Variants in ITSN2 observed in about 807,000 individuals in gnomAD.
The protein encoded by ITSN2 is intersectin-2.
ITSN2 carries 156 observed loss-of-function variants against 243.7 expected under a neutral mutation model. The observed-to-expected ratio is 0.64, with a 90% CI of 0.56 to 0.73. The LOEUF is 0.73. ITSN2 is among the 30% of genes least tolerant of loss of function. The pLI is 0.00. For missense variants in ITSN2, 1,801 were observed against 1,996.1 expected (o/e 0.90, Z 1.86); for synonymous variants, 703 against 699.9 (o/e 1.00, Z -0.07).
chr2:24,280,942 C>G (rs891006788), intron 17 of ITSN2, among the ~76,000 whole-genome samples: 1 of 152,218 alleles, frequency 6.6e-6, no homozygotes, highest in Admixed American at 6.5e-5. Flanking sequence ...AACAGAACTA[C>G]CATTGACCAA....
At chr2:24,338,621 T>C (rs1223221092) in intron 1 of ITSN2, among the ~76,000 whole-genome samples, 1 of 152,244 alleles carries the variant, frequency 6.6e-6, no homozygotes, top group Non-Finnish European at 1.5e-5. Context: ...ACAGAATACA[T>C]ATATTCTCCA....
chr2:24,341,677 G>A (rs140187390), intron 1 of ITSN2, among the ~76,000 whole-genome samples: 11 of 152,186 alleles, frequency 7.2e-5, no homozygotes, highest in African/African-American at 2.2e-4. Context: ...TCAGGAGACC[G>A]GTCTCACGGT....
rs759389573 is a variant in ITSN2, at chr2:24,248,886, C to A, written c.3121-4G>T. Reference sequence around the variant, plus strand: ...ACTTGCTAGCACTCCCAAAACTCTACAAGGAAAAGATACCGTGTTGTTTTA... The same window carrying A: ...ACTTGCTAGCACTCCCAAAACTCTAAAAGGAAAAGATACCGTGTTGTTTTA... On this transcript the variant is annotated splice_region_variant and splice_polypyrimidine_tract_variant and intron_variant, in intron 25 of 39. Transcript: ENST00000355123. 1.2e-6 allele frequency: 2 copies of A among 1,613,108 alleles called. No individual in the cohort carries two copies. The highest frequency in any genetic ancestry group is 2.2e-5 in the East Asian group (1 of 44,846).
intron 2 of ITSN2, among the ~76,000 whole-genome samples, chr2:24,317,181 G>A (rs1684035975): frequency 6.6e-6 from 1 of 152,186 alleles, no homozygotes; most frequent in Non-Finnish European, 1.5e-5. Flanking sequence ...AGGAGTTCAA[G>A]ACCAACCTGG....
rs754100522 is a variant in ITSN2 at position 24,286,162 on chromosome 2, GA to G, written c.1863+49del. 5 of 1,062,256 alleles carry G rather than the reference GA, an allele frequency of 4.7e-6. No individual in the cohort carries two copies. In the South Asian group the frequency reaches 6.1e-5, roughly 13 times the overall value. The allele number at this position is 1,062,256 out of a possible 1,614,324, so 65.8% of individuals were successfully genotyped here. A position where few individuals can be genotyped will look rare whatever the true frequency, so the allele number is the denominator to read the frequency against. On this transcript the variant is annotated intron_variant, in intron 16 of 39. Transcript: ENST00000355123. ...ATTTATTCTATTAAATCAAAATAAT[GA>G]AGGTAAGAAGGCAGTTACCTAAAAA...
chr2:24,256,957 A>G lies in ITSN2; in HGVS notation c.2888+931T>C, dbSNP rs117217231. 1.7e-3 allele frequency among the ~76,000 whole-genome samples: 257 copies of G among 152,326 alleles called. 7 individuals carry two copies. In the East Asian group the frequency reaches 0.044, roughly 26 times the overall value. On this transcript the variant is annotated intron_variant, in intron 23 of 39. Transcript: ENST00000355123. ...GTAAAGAGTTACTTAAATATTGACA[A>G]TTTATAGTAAACAGGGGAGAAATGC... is the stretch of plus-strand genomic sequence containing the variant.
At chr2:24,314,796 C>T (rs1235881460) in intron 3 of ITSN2, among the ~76,000 whole-genome samples, 1 of 150,594 alleles carries the variant, frequency 6.6e-6, no homozygotes, top group Non-Finnish European at 1.5e-5. Flanking sequence ...AAACAGATTC[C>T]AGAAAAAAAA....
intron 8 of ITSN2, among the ~76,000 whole-genome samples, chr2:24,307,033 T>C (rs1682642212): frequency 6.6e-6 from 1 of 152,156 alleles, no homozygotes; most frequent in Admixed American, 6.5e-5. Context: ...CTCGATCTCT[T>C]GACCTCATGA....
Position 24,225,549 on chromosome 2 carries a change from T to C in ITSN2, c.3578-4483A>G, listed in dbSNP as rs558280725. Among the ~76,000 whole-genome samples, 2 of 152,262 alleles carry C rather than the reference T, an allele frequency of 1.3e-5. No individual in the cohort carries two copies. The highest frequency in any genetic ancestry group is 4.8e-5 in the African/African-American group (2 of 41,552). On this transcript the variant is annotated intron_variant, in intron 29 of 39. Coordinates refer to ENST00000355123, the MANE Select transcript of ITSN2 (RefSeq NM_006277.3). The surrounding 1 kb of genome is among the most constrained non-coding windows in gnomAD (Gnocchi z 4.2). The stretch of plus-strand genomic sequence containing the variant: ...TTTTGGAGACTTGAGTCTGCCTTTC[T>C]CAGCCCTTGAGCCTCTCCTCTTCTT...
chr2:24,251,328 A>AAAAATAAAAAAATATAT (rs1358585681), intron 25 of ITSN2, among the ~76,000 whole-genome samples: 2 of 6,980 alleles, frequency 2.9e-4, no homozygotes, highest in African/African-American at 9.1e-4. Flanking sequence ...AAAAAAATAA[A>AAAAATAAAAAAATATAT]ATATATATAT....
rs1010567156 is a variant in ITSN2, at chr2:24,307,482, T to C, written c.793+1135A>G. Reference sequence around the variant, plus strand: ...TATATATGTAAGCTAAGAAGTATAATAGGTCACCCGTGAACCTACCACCCA... The same window carrying C: ...TATATATGTAAGCTAAGAAGTATAACAGGTCACCCGTGAACCTACCACCCA... On this transcript the variant is annotated intron_variant, in intron 8 of 39. Transcript: ENST00000355123. Among the ~76,000 whole-genome samples, 48 of 152,170 alleles carry C rather than the reference T, an allele frequency of 3.2e-4. 1 individual carries two copies. The highest frequency in any genetic ancestry group is 1.1e-3 in the African/African-American group (47 of 41,448).
At chr2:24,356,073 G>A (rs1365287404) in intron 1 of ITSN2, among the ~76,000 whole-genome samples, 4 of 152,080 alleles carry the variant, frequency 2.6e-5, no homozygotes, top group African/African-American at 4.8e-5. Context: ...GGTGGCAGGC[G>A]CCTGTAATCC....
chr2:24,281,009 C>T (rs571710604), intron 17 of ITSN2, among the ~76,000 whole-genome samples: 1 of 152,238 alleles, frequency 6.6e-6, no homozygotes, highest in African/African-American at 2.4e-5. Context: ...ATACCTGGTA[C>T]ATCTATATCA....
At chr2:24,347,935 G>T (rs2151931072) in intron 1 of ITSN2, among the ~76,000 whole-genome samples, 1 of 152,138 alleles carries the variant, frequency 6.6e-6, no homozygotes. Flanking sequence ...AGCTGGGTGT[G>T]ATGGGTGGTG....
At chr2:24,350,475 A>G (rs2151939633) in intron 1 of ITSN2, among the ~76,000 whole-genome samples, 2 of 152,348 alleles carry the variant, frequency 1.3e-5, no homozygotes, top group East Asian at 3.8e-4. Context: ...ACCCCTCAGT[A>G]TGAACCCAAG....
At chr2:24,322,953 G>A (rs1684756145) in intron 2 of ITSN2, among the ~76,000 whole-genome samples, 1 of 151,708 alleles carries the variant, frequency 6.6e-6, no homozygotes, top group African/African-American at 2.4e-5. Context: ...AAATAAGCAC[G>A]TGACAAGATG....
chr2:24,298,242 C>T (rs1047943870), intron 13 of ITSN2, among the ~76,000 whole-genome samples: 3 of 152,196 alleles, frequency 2.0e-5, no homozygotes, highest in African/African-American at 7.2e-5. Context: ...ACTGCAACCT[C>T]CGCCTCCCAG....
intron 16 of ITSN2, among the ~76,000 whole-genome samples, chr2:24,285,853 A>T (rs1350784956): frequency 6.6e-6 from 1 of 152,238 alleles, no homozygotes; most frequent in East Asian, 1.9e-4. Context: ...ACTAACACCT[A>T]AACTATTTCA....
chr2:24,298,953 G>C, intron 12 of ITSN2, 139 bp from the exon 13 acceptor site: 2 of 491,012 alleles, frequency 4.1e-6, no homozygotes, highest in Non-Finnish European at 6.8e-6. Flanking sequence ...GGCAAATCTA[G>C]TTTTATTAAT....
Sources: gnomAD v4.1 joint callset for allele counts (sites outside exome capture counted in the v4.1 genomes callset) on GRCh38, gnomAD v4.1.1 for gene constraint, Gnocchi (gnomAD v3.1) non-coding constraint, MANE v1.5 for transcripts, NCBI Gene and HGNC (gene_info 2026-07-23, HGNC 2026-07-21) for gene names.